Variants in LINGO2 observed in about 807,000 individuals in gnomAD.
The protein encoded by LINGO2 is leucine-rich repeat and immunoglobulin-like domain-containing nogo receptor-interacting protein 2.
Under a neutral mutation model 30.6 loss-of-function variants are expected in LINGO2, and 14 were observed. The observed-to-expected ratio is 0.46, with a 90% CI of 0.30 to 0.72. The LOEUF (loss-of-function observed/expected upper bound fraction) is 0.72, where lower values mean the gene tolerates loss of function less well. LINGO2 is among the 30% of genes least tolerant of loss of function. The pLI, the probability that LINGO2 is intolerant of heterozygous loss-of-function variation, is 0.07. For missense variants in LINGO2, 729 were observed against 751.7 expected (o/e 0.97, Z 0.35); for synonymous variants, 317 against 288.5 (o/e 1.10, Z -1.00).
At chr9:27,996,458 A>G (rs1263036115) in intron 5 of LINGO2, among the ~76,000 whole-genome samples, 1 of 152,192 alleles carries the variant, frequency 6.6e-6, no homozygotes, top group Non-Finnish European at 1.5e-5. Context: ...GCCATGAAGA[A>G]TGGAATCCTG....
At chr9:29,199,021 C>G in the LINGO2 span, among the ~76,000 whole-genome samples, 10 of 152,022 alleles carry the variant, frequency 6.6e-5, no homozygotes, top group Non-Finnish European at 8.8e-5. Context: ...ATTTTAATGG[C>G]GTAAAACCAC....
chr9:29,019,832 C>G, the LINGO2 span, among the ~76,000 whole-genome samples: 1 of 152,076 alleles, frequency 6.6e-6, no homozygotes, highest in Non-Finnish European at 1.5e-5. Context: ...TATTCCATTC[C>G]TTATGAGTTA....
chr9:28,771,506 T>TGTGTGTGAGA, the LINGO2 span, among the ~76,000 whole-genome samples: 3 of 95,034 alleles, frequency 3.2e-5, no homozygotes, highest in African/African-American at 9.9e-5. Flanking sequence ...TGTGTGTGTG[T>TGTGTGTGAGA]GAGAGAGAGA....
chr9:28,311,176 AT>A lies in LINGO2; in HGVS notation c.-245-15811del, dbSNP rs201290248. Reference sequence around the variant, plus strand: ...CGAGCCATAAAACCAGCAAGTTTTTATTAGTGATTTTCAAAAGGGGAGGGAG... The same window carrying A: ...CGAGCCATAAAACCAGCAAGTTTTTATAGTGATTTTCAAAAGGGGAGGGAG... On this transcript the variant is annotated intron_variant, in intron 3 of 5. Coordinates refer to ENST00000379992, the Ensembl canonical transcript of LINGO2. 0.014 allele frequency among the ~76,000 whole-genome samples: 2,139 copies of A among 152,234 alleles called. 90 individuals carry two copies. The East Asian group carries it at 0.14, about 10-fold the overall frequency.
At chr9:29,065,974 A>G in the LINGO2 span, among the ~76,000 whole-genome samples, 53 of 151,990 alleles carry the variant, frequency 3.5e-4, 1 homozygote, top group African/African-American at 1.3e-3. Context: ...CAAAATATTT[A>G]AGCAAAGTTA....
chr9:28,505,471 T>C (rs1324102265), intron 1 of LINGO2, among the ~76,000 whole-genome samples: 1 of 151,958 alleles, frequency 6.6e-6, no homozygotes, highest in Non-Finnish European at 1.5e-5. Flanking sequence ...AAAATGAATG[T>C]CTGTTTAGTT....
intron 4 of LINGO2, among the ~76,000 whole-genome samples, chr9:28,245,506 C>G (rs1404499358): frequency 1.3e-5 from 2 of 152,154 alleles, no homozygotes. Flanking sequence ...GAGACAAAGT[C>G]AAACTGTCTC....
intron 3 of LINGO2, among the ~76,000 whole-genome samples, chr9:28,347,734 G>A (rs1022073200): frequency 1.9e-4 from 29 of 152,122 alleles, no homozygotes; most frequent in Admixed American, 5.2e-4. Context: ...TTACCCAGGC[G>A]TCATTATTAT....
At chr9:28,861,991 C>A in the LINGO2 span, among the ~76,000 whole-genome samples, 45 of 152,212 alleles carry the variant, frequency 3.0e-4, no homozygotes, top group African/African-American at 1.1e-3. Context: ...ATTGTGACTT[C>A]CTTCTAAATT....
intron 4 of LINGO2, among the ~76,000 whole-genome samples, chr9:28,168,647 T>C (rs771868200): frequency 2.0e-4 from 30 of 152,362 alleles, no homozygotes; most frequent in Admixed American, 1.3e-3. Flanking sequence ...TGCAGAGCCA[T>C]GTGTATAGGA....
chr9:29,198,769 A>G, the LINGO2 span, among the ~76,000 whole-genome samples: 22 of 152,180 alleles, frequency 1.4e-4, no homozygotes, highest in African/African-American at 5.3e-4. Context: ...CAATCTGCTG[A>G]AAGACATTTC....
At chr9:28,286,083 G>C (rs1277615669) in intron 4 of LINGO2, among the ~76,000 whole-genome samples, 1 of 152,106 alleles carries the variant, frequency 6.6e-6, no homozygotes, top group African/African-American at 2.4e-5. Flanking sequence ...ATGCTATTAT[G>C]TACTACAAGG....
At chr9:29,016,092 A>AGATTCT in the LINGO2 span, among the ~76,000 whole-genome samples, 1 of 152,174 alleles carries the variant, frequency 6.6e-6, no homozygotes, top group East Asian at 1.9e-4. Context: ...TTTACTTCAG[A>AGATTCT]GATTCTGATT....
At chr9:28,167,900 C>A (rs1334725700) in intron 4 of LINGO2, among the ~76,000 whole-genome samples, 1 of 152,204 alleles carries the variant, frequency 6.6e-6, no homozygotes, top group South Asian at 2.1e-4. Context: ...ATCTCCTTCT[C>A]CACACATTGG....
chr9:28,094,507 G>C (rs541240238), intron 4 of LINGO2, among the ~76,000 whole-genome samples: 1 of 148,658 alleles, frequency 6.7e-6, no homozygotes, highest in Non-Finnish European at 1.5e-5. Context: ...GAGAGAGAAA[G>C]GGGATATGTG....
chr9:28,600,837 C>T (rs1165101185), intron 1 of LINGO2, among the ~76,000 whole-genome samples: 2 of 151,964 alleles, frequency 1.3e-5, no homozygotes, highest in African/African-American at 4.8e-5. Flanking sequence ...CTTGTTTTTA[C>T]CATGAATTTA....
chr9:28,675,964 T>C, the LINGO2 span, among the ~76,000 whole-genome samples: 1 of 148,932 alleles, frequency 6.7e-6, no homozygotes, highest in Admixed American at 6.7e-5. Flanking sequence ...TATATATGTA[T>C]ATATACATTT....
chr9:28,674,163 T>C (rs1829133043), upstream of LINGO2, among the ~76,000 whole-genome samples: 1 of 152,136 alleles, frequency 6.6e-6, no homozygotes, highest in African/African-American at 2.4e-5. Flanking sequence ...AGGCATGAAT[T>C]ACTCCTCATT....
the LINGO2 span, among the ~76,000 whole-genome samples, chr9:29,167,319 G>A: frequency 2.0e-5 from 3 of 152,068 alleles, no homozygotes; most frequent in Admixed American, 2.0e-4. Context: ...CATAATGCAG[G>A]AAATGTAGCA....
Sources: allele counts gnomAD v4.1 joint callset (sites outside exome capture counted in the v4.1 genomes callset), GRCh38; gene constraint gnomAD v4.1.1; transcripts MANE v1.5; gene names NCBI Gene and HGNC (gene_info 2026-07-23, HGNC 2026-07-21).